ZAR1L: variants seen among roughly 807,000 people sequenced by gnomAD.
ZAR1L encodes the protein zygote arrest 1 like, also known as protein ZAR1-like.
Under a neutral mutation model 30.0 loss-of-function variants are expected in ZAR1L, and 16 were observed. The ratio of observed to expected loss-of-function variants is 0.53; its 90% CI spans 0.36 to 0.81. The LOEUF (loss-of-function observed/expected upper bound fraction) is 0.81. Among genes scored for constraint, ZAR1L ranks in the 30% least tolerant of loss-of-function variants. The pLI is 0.00. For synonymous variants in ZAR1L, 197 were observed against 166.8 expected (o/e 1.18, Z -1.40); for missense variants, 392 against 417.2 (o/e 0.94, Z 0.53).
chr13:32,303,945 C>A lies in ZAR1L; in HGVS notation c.900G>T (p.Leu300=). ...ATCTCTTGTCTTTGCAGCGACCACACAGTTCCTGTCGATGAGGCCTCCTTA... is the reference window on the plus strand; with the variant it reads ...ATCTCTTGTCTTTGCAGCGACCACAAAGTTCCTGTCGATGAGGCCTCCTTA... ...IDLRRPHRQE[L]CGRCKDKRFS... The change falls in exon 6 of 6, where the codon CTG becomes CTT. Residue 300 remains leucine, a synonymous_variant. Transcript: ENST00000533490. 6.4e-7 allele frequency: 1 copy of A among 1,551,968 alleles called. No homozygotes were observed. Among genetic ancestry groups the A allele is most frequent in the South Asian group, 1.2e-5 (1 of 84,068 alleles).
intron 4 of ZAR1L, 111 bp downstream of exon 4, chr13:32,310,528 C>T (rs774189070): frequency 9.3e-6 from 7 of 751,104 alleles, no homozygotes; most frequent in Non-Finnish European, 1.6e-5. Flanking sequence ...GGGATGCCAC[C>T]AAGATCAAGA....
At chr13:32,304,224 A>G (rs1472220968) in intron 5 of ZAR1L, among the ~76,000 whole-genome samples, 2 of 152,226 alleles carry the variant, frequency 1.3e-5, no homozygotes, top group Admixed American at 1.3e-4. Context: ...GAATGATCAC[A>G]GAAGATATTC....
intron 5 of ZAR1L, among the ~76,000 whole-genome samples, chr13:32,305,611 CA>C (rs1179459928): frequency 6.6e-6 from 1 of 152,202 alleles, no homozygotes; most frequent in Non-Finnish European, 1.5e-5. Flanking sequence ...TACATGAATT[CA>C]TTTAATTCTC....
Position 32,311,787 on chromosome 13 carries a change from G to C in ZAR1L, c.139C>G (p.Pro47Ala). The part of the protein sequence containing the change: ...NMGPPTFLAR[P>A]GLLVPANAPD... ...GCGTTCGCGGGCACCAGCAGCCCTG[G>C]CCTGGCCAGAAAAGTGGGAGGACCC... is the stretch of plus-strand genomic sequence containing the variant. Residue 47 changes from proline (P) to alanine (A), a missense_variant, in exon 3 of 6, where the codon CCA becomes GCA. Pro to Ala is a conservative substitution (Grantham distance 27). Coordinates refer to ENST00000533490, the MANE Select transcript of ZAR1L (RefSeq NM_001136571.2). 6.4e-7 allele frequency: 1 copy of C among 1,551,686 alleles called. No individual in the cohort carries two copies. Among genetic ancestry groups the C allele is most frequent in the Non-Finnish European group, 8.7e-7 (1 of 1,147,006 alleles).
intron 5 of ZAR1L, among the ~76,000 whole-genome samples, chr13:32,304,999 T>C (rs1190079672): frequency 6.6e-6 from 1 of 152,038 alleles, no homozygotes; most frequent in African/African-American, 2.4e-5. Context: ...TTAGTAGAGA[T>C]GGGGTTTCAC....
At chr13:32,311,203 C>G in intron 3 of ZAR1L, 69 bp downstream of exon 3, 1 of 1,452,092 alleles carries the variant, frequency 6.9e-7, no homozygotes. Flanking sequence ...TCTTATTGCC[C>G]CCATAGATGG....
Position 32,303,736 on chromosome 13 carries a change from G to T in ZAR1L, c.*143C>A. 1.3e-6 allele frequency: 1 copy of T among 754,632 alleles called. No individual in the cohort carries two copies. The highest frequency in any genetic ancestry group is 2.1e-6 in the Non-Finnish European group (1 of 479,846). 46.7% of individuals were successfully genotyped at this position (754,632 alleles called of 1,614,324 possible). A position where few individuals can be genotyped will look rare whatever the true frequency, so the allele number is the denominator to read the frequency against. ...GCATTTATTTTATTCTATTCACATTGTACAATTGTTACACAATCTACAAAA... is the reference window on the plus strand; with the variant it reads ...GCATTTATTTTATTCTATTCACATTTTACAATTGTTACACAATCTACAAAA... On this transcript the variant is annotated 3_prime_UTR_variant, in exon 6 of 6. Transcript: ENST00000533490.
chr13:32,303,825 CACAGT>C lies in ZAR1L; in HGVS notation c.*49_*53del. On this transcript the variant is annotated 3_prime_UTR_variant, in exon 6 of 6. Coordinates refer to ENST00000533490, the MANE Select transcript of ZAR1L (RefSeq NM_001136571.2). ...GCCAAGTTGCAAAAAAGGAAGACAGCACAGTAAGTTACAAGAAGAGCTCAGGGGTC... is the reference window on the plus strand; with the variant it reads ...GCCAAGTTGCAAAAAAGGAAGACAGCAAGTTACAAGAAGAGCTCAGGGGTC... The C allele has an allele frequency of 1.3e-6, 2 of 1,520,324 alleles. No homozygotes were observed. 94.2% of individuals were successfully genotyped at this position (1,520,324 alleles called of 1,614,324 possible).
chr13:32,311,871 C>G lies in ZAR1L; in HGVS notation c.55G>C (p.Val19Leu). ...YGLYQGYGST[V>L]PLGQPGLSGH... ...GAGAGTCCAGGCTGGCCCAAAGGCACTGTGCTCCCATAACCCTGGTACAAG... is the reference window on the plus strand; with the variant it reads ...GAGAGTCCAGGCTGGCCCAAAGGCAGTGTGCTCCCATAACCCTGGTACAAG... Residue 19 changes from valine to leucine, a missense_variant, in exon 3 of 6, where the codon GTG becomes CTG. Transcript: ENST00000533490. 2 of 1,551,674 alleles carry G rather than the reference C, an allele frequency of 1.3e-6. No homozygotes were observed. The highest frequency in any genetic ancestry group is 1.7e-6 in the Non-Finnish European group (2 of 1,146,980).
In ZAR1L at chr13:32,312,094, C is replaced by G. The variant is rs1427909085; in HGVS notation, c.-168-1G>C. 2.5e-6 allele frequency: 2 copies of G among 794,554 alleles called. No individual in the cohort carries two copies. The highest frequency in any genetic ancestry group is 1.9e-6 in the Non-Finnish European group (1 of 523,054). The allele number at this position is 794,554 out of a possible 1,614,324, so 49.2% of individuals were successfully genotyped here. A position where few individuals can be genotyped will look rare whatever the true frequency, so the allele number is the denominator to read the frequency against. On this transcript the variant is annotated splice_acceptor_variant, in intron 2 of 5. Coordinates refer to ENST00000533490, the MANE Select transcript of ZAR1L (RefSeq NM_001136571.2). LOFTEE classifies it low-confidence loss of function (5UTR_SPLICE). The stretch of plus-strand genomic sequence containing the variant: ...CTAATGGGAGCTGCTGCTTATTACC[C>G]TGATTGAGGGAGAGAAGCTCTATCT...
intron 2 of ZAR1L, among the ~76,000 whole-genome samples, chr13:32,312,406 C>T (rs1240487083): frequency 1.3e-5 from 2 of 152,144 alleles, no homozygotes; most frequent in Non-Finnish European, 2.9e-5. Flanking sequence ...CCCACCACTG[C>T]GTATTTACCC....
At chr13:32,305,426 C>T (rs1004251172) in intron 5 of ZAR1L, among the ~76,000 whole-genome samples, 3 of 151,848 alleles carry the variant, frequency 2.0e-5, no homozygotes, top group Admixed American at 6.6e-5. Context: ...TGGGGTTTCA[C>T]CATGTTAGCC....
chr13:32,305,107 G>A (rs1261708665), intron 5 of ZAR1L, among the ~76,000 whole-genome samples: 1 of 151,214 alleles, frequency 6.6e-6, no homozygotes, highest in Non-Finnish European at 1.5e-5. Flanking sequence ...CACCATGCCT[G>A]GCCAAGATGT....
intron 4 of ZAR1L, among the ~76,000 whole-genome samples, chr13:32,309,643 C>G (rs539705258): frequency 1.3e-5 from 2 of 152,334 alleles, no homozygotes; most frequent in Admixed American, 6.5e-5. Flanking sequence ...TATCTCTGCA[C>G]TGCTTCCATA....
chr13:32,305,504 G>A (rs1298082495), intron 5 of ZAR1L, among the ~76,000 whole-genome samples: 1 of 152,218 alleles, frequency 6.6e-6, no homozygotes, highest in African/African-American at 2.4e-5. Flanking sequence ...GGGATTACAG[G>A]CGTGAGCCAC....
chr13:32,311,804 G>A lies in ZAR1L; in HGVS notation c.122C>T (p.Pro41Leu), dbSNP rs2072215888. 1.9e-6 allele frequency: 3 copies of A among 1,551,672 alleles called. No homozygotes were observed. Among genetic ancestry groups the A allele is most frequent in the Non-Finnish European group, 2.6e-6 (3 of 1,147,014 alleles). ...CAGCCCTGGCCTGGCCAGAAAAGTG[G>A]GAGGACCCATATTTTGCCTCCAGTC... ...QPDWRQNMGP[P>L]TFLARPGLLV... Residue 41 changes from proline to leucine, a missense_variant, in exon 3 of 6, where the codon CCC (proline) becomes CTC (leucine). Transcript: ENST00000533490.
chr13:32,304,088 A>C (rs1479051581), intron 5 of ZAR1L, 66 bp from the exon 6 acceptor site: 2 of 1,485,416 alleles, frequency 1.3e-6, no homozygotes, highest in South Asian at 1.3e-5. Flanking sequence ...GTAACCCTCA[A>C]ATCACAGTAC....
intron 2 of ZAR1L, among the ~76,000 whole-genome samples, chr13:32,313,056 C>G (rs2072225439): frequency 6.6e-6 from 1 of 151,968 alleles, no homozygotes; most frequent in Admixed American, 6.6e-5. Context: ...ATGGTGGTTA[C>G]CAGGGACAGG....
chr13:32,313,008 A>C (rs2072225244), intron 2 of ZAR1L, among the ~76,000 whole-genome samples: 1 of 152,242 alleles, frequency 6.6e-6, no homozygotes, highest in South Asian at 2.1e-4. Context: ...TGATATGTGG[A>C]ATCTGAAAAA....
Sources: allele counts gnomAD v4.1 joint callset (sites outside exome capture counted in the v4.1 genomes callset), GRCh38; gene constraint gnomAD v4.1.1; transcripts MANE v1.5; gene names NCBI Gene and HGNC (gene_info 2026-07-23, HGNC 2026-07-21).